The following EPHB1 variants were observed in gnomAD, a reference collection of about 807,000 sequenced individuals.
EPHB1 encodes EPH receptor B1.
A neutral mutation model predicts 94.4 loss-of-function variants in EPHB1; 30 were observed. The ratio of observed to expected loss-of-function variants is 0.32; its 90% CI spans 0.24 to 0.43. The LOEUF is 0.43. Ranked by LOEUF, EPHB1 falls within the 20% of genes least tolerant of loss-of-function variation. The pLI is 1.00. For synonymous variants in EPHB1, 522 were observed against 489.1 expected (o/e 1.07, Z -0.89); for missense variants, 1,055 against 1,308.3 (o/e 0.81, Z 2.99).
At chr3:135,133,914 G>A (rs1174557215) in intron 5 of EPHB1, among the ~76,000 whole-genome samples, 1 of 152,242 alleles carries the variant, frequency 6.6e-6, no homozygotes, top group Non-Finnish European at 1.5e-5. Flanking sequence ...GTGCCACGCT[G>A]TGGATTAGAC....
chr3:134,861,566 G>A (rs2037259874), intron 1 of EPHB1, among the ~76,000 whole-genome samples: 1 of 152,202 alleles, frequency 6.6e-6, no homozygotes, highest in African/African-American at 2.4e-5. Flanking sequence ...GAAAAGAAAA[G>A]CTGAGGAAAA....
chr3:134,808,825 G>A (rs548904138), intron 1 of EPHB1, among the ~76,000 whole-genome samples: 102 of 152,204 alleles, frequency 6.7e-4, no homozygotes, highest in Non-Finnish European at 1.2e-3. Flanking sequence ...TTTGGTTAAA[G>A]GCAAAGTGAT....
chr3:135,120,520 A>T (rs1939907465), intron 4 of EPHB1, among the ~76,000 whole-genome samples: 1 of 152,194 alleles, frequency 6.6e-6, no homozygotes, highest in South Asian at 2.1e-4. Flanking sequence ...GTCACCAGAG[A>T]TACACTGACC....
Position 135,177,613 on chromosome 3 carries a change from G to C in EPHB1, c.1760-2247G>C, listed in dbSNP as rs6800235. Among the ~76,000 whole-genome samples the C allele has an allele frequency of 8.8e-3, 1,340 of 152,306 alleles. 6 individuals carry two copies. Among genetic ancestry groups the C allele is most frequent in the Non-Finnish European group, 0.015 (1,015 of 68,014 alleles). ...AATGACCCACAGTGGTCAGTGGCTT[G>C]AGAATGCGCCTCTTATAGGCTGCCT... On this transcript the variant is annotated intron_variant, in intron 9 of 15. Transcript: ENST00000398015.
intron 4 of EPHB1, among the ~76,000 whole-genome samples, chr3:135,117,590 T>C (rs1180037452): frequency 6.6e-6 from 1 of 152,106 alleles, no homozygotes; most frequent in African/African-American, 2.4e-5. Flanking sequence ...TCAAGAAGGG[T>C]GGCTTGTCTT....
chr3:134,936,770 TC>T (rs2039012351), intron 2 of EPHB1, among the ~76,000 whole-genome samples: 1 of 152,268 alleles, frequency 6.6e-6, no homozygotes, highest in Non-Finnish European at 1.5e-5. Context: ...TTCTGACTTA[TC>T]TGCTGATCAA....
chr3:134,894,517 G>A (rs76879507), intron 1 of EPHB1, among the ~76,000 whole-genome samples: 1 of 152,208 alleles, frequency 6.6e-6, no homozygotes, highest in African/African-American at 2.4e-5. Flanking sequence ...GAAAGCCTGT[G>A]TTCTCTGTAT....
chr3:135,066,626 G>C (rs1289137843), intron 3 of EPHB1, among the ~76,000 whole-genome samples: 1 of 151,990 alleles, frequency 6.6e-6, no homozygotes, highest in Non-Finnish European at 1.5e-5. Flanking sequence ...GGATTTCCTT[G>C]CACTGGGCCT....
intron 1 of EPHB1, chr3:134,796,265 T>C (rs1258106734): frequency 1.8e-5 from 3 of 163,364 alleles, no homozygotes; most frequent in African/African-American, 7.2e-5. Context: ...GGGGTGGAGT[T>C]CATTGGCCGT....
At position 135,259,389 on chromosome 3, in the gene EPHB1, G is replaced by GCAT; in HGVS notation, c.*272_*274dup. 1 of 285,820 alleles carries GCAT rather than the reference G, an allele frequency of 3.5e-6. No homozygotes were observed. The highest frequency in any genetic ancestry group is 6.5e-6 in the Non-Finnish European group (1 of 152,726). The allele number at this position is 285,820 out of a possible 1,614,324, so 17.7% of individuals were successfully genotyped here. On this transcript the variant is annotated 3_prime_UTR_variant, in exon 16 of 16. Coordinates refer to ENST00000398015, the MANE Select transcript of EPHB1 (RefSeq NM_004441.5). ...AACAGAAGTGAAGACAAAACAATAT[G>GCAT]CATCAGGAGAACAAGAGTAAACCCA...
At chr3:134,878,018 C>T (rs1290253121) in intron 1 of EPHB1, among the ~76,000 whole-genome samples, 2 of 152,222 alleles carry the variant, frequency 1.3e-5, no homozygotes, top group Non-Finnish European at 2.9e-5. Flanking sequence ...TCCTGCTCTG[C>T]CTCCTGGCCT....
At chr3:135,025,255 C>T (rs1284260482) in intron 3 of EPHB1, among the ~76,000 whole-genome samples, 14 of 123,422 alleles carry the variant, frequency 1.1e-4, no homozygotes, top group Non-Finnish European at 2.3e-4. Flanking sequence ...TACATGTGCA[C>T]ACTGTGCAGG....
At chr3:134,938,072 G>C (rs1445694430) in intron 2 of EPHB1, among the ~76,000 whole-genome samples, 1 of 152,124 alleles carries the variant, frequency 6.6e-6, no homozygotes, top group Non-Finnish European at 1.5e-5. Context: ...AAATACCCCA[G>C]CTGGAGGTGT....
At chr3:135,092,356 G>T (rs1449320319) in intron 3 of EPHB1, among the ~76,000 whole-genome samples, 1 of 152,196 alleles carries the variant, frequency 6.6e-6, no homozygotes, top group East Asian at 1.9e-4. Flanking sequence ...GCATCTCCCT[G>T]TTGGTTGAGA....
intron 3 of EPHB1, among the ~76,000 whole-genome samples, chr3:134,955,071 C>CTTTTTTTTTTTTTTTTTTTT (rs1197013147): frequency 3.6e-4 from 3 of 8,416 alleles, no homozygotes; most frequent in East Asian, 4.0e-3. Flanking sequence ...GACATCCTTT[C>CTTTTTTTTTTTTTTTTTTTT]TTTTTTTTTT....
At chr3:135,214,866 TC>T (rs1365314652) in intron 12 of EPHB1, among the ~76,000 whole-genome samples, 28 of 152,346 alleles carry the variant, frequency 1.8e-4, no homozygotes, top group Admixed American at 1.7e-3. Flanking sequence ...TCTAGAACTT[TC>T]TTTCCCAGCA....
chr3:135,163,121 A>T (rs764317921), intron 7 of EPHB1, among the ~76,000 whole-genome samples: 4 of 152,208 alleles, frequency 2.6e-5, no homozygotes, highest in African/African-American at 4.8e-5. Context: ...TTTTAGGCCA[A>T]TGCTCTCAGT....
chr3:134,825,145 C>T (rs2036452627), intron 1 of EPHB1, among the ~76,000 whole-genome samples: 1 of 152,224 alleles, frequency 6.6e-6, no homozygotes, highest in South Asian at 2.1e-4. Context: ...GGTCAGTGGT[C>T]ACAGTCCTGG....
chr3:135,224,044 T>C (rs1384570514), intron 12 of EPHB1, among the ~76,000 whole-genome samples: 1 of 152,228 alleles, frequency 6.6e-6, no homozygotes, highest in Non-Finnish European at 1.5e-5. Context: ...ACCTTTTCTG[T>C]GTTTAGATAT....
Sources: gnomAD v4.1 joint callset for allele counts (sites outside exome capture counted in the v4.1 genomes callset) on GRCh38, gnomAD v4.1.1 for gene constraint, MANE v1.5 for transcripts, NCBI Gene and HGNC (gene_info 2026-07-23, HGNC 2026-07-21) for gene names.